Variants in PTCH1 observed in about 807,000 individuals in gnomAD.
PTCH1 encodes protein patched homolog 1.
In PTCH1, 14 loss-of-function variants were observed where a neutral mutation model predicts 144.6. That is an observed-to-expected ratio of 0.10 (90% CI 0.06 to 0.15). The LOEUF (loss-of-function observed/expected upper bound fraction) is 0.15, where lower values mean the gene tolerates loss of function less well. Ranked by LOEUF, PTCH1 falls within the 10% of genes least tolerant of loss-of-function variation. PTCH1 has a pLI of 1.00. For missense variants in PTCH1, 1,623 were observed against 1,948.3 expected (o/e 0.83, Z 3.14); for synonymous variants, 833 against 793.6 (o/e 1.05, Z -0.83).
chr9:95,460,162 C>T (rs1412763519), intron 16 of PTCH1, among the ~76,000 whole-genome samples: 1 of 152,220 alleles, frequency 6.6e-6, no homozygotes, highest in Non-Finnish European at 1.5e-5. Flanking sequence ...GTGCAGTTAA[C>T]CTCTGTTGTT....
At position 95,508,222 on chromosome 9, in the gene PTCH1, C is replaced by A. The variant is rs775408408; in HGVS notation, c.140G>T (p.Arg47Leu). ...GTAGCTGGGCCGGTGCAGATAGTCCCGGTCCGGCGCGGCAGCACGGCGCAG... is the reference window on the plus strand; with the variant it reads ...GTAGCTGGGCCGGTGCAGATAGTCCAGGTCCGGCGCGGCAGCACGGCGCAG... ...GGLRRAAAPD[R>L]DYLHRPSYCD... Residue 47 changes from arginine (R) to leucine (L), a missense_variant, in exon 1 of 24, where the codon CGG becomes CTG. Coordinates refer to ENST00000331920, the MANE Select transcript of PTCH1 (RefSeq NM_000264.5). The A allele has an allele frequency of 6.1e-5, 98 of 1,611,126 alleles. 1 individual carries two copies. The East Asian group carries it at 2.1e-3, about 35-fold the overall frequency.
chr9:95,477,965 C>G (rs1294990274), intron 9 of PTCH1, 90 bp downstream of exon 9: 2 of 1,591,356 alleles, frequency 1.3e-6, no homozygotes, highest in African/African-American at 2.7e-5. Flanking sequence ...ATGTTAAGAG[C>G]AGTTAAGAAG....
rs1472266690 is a variant in PTCH1 at position 95,446,084 on chromosome 9, G to C, written c.*309C>G. 4.9e-6 allele frequency: 1 copy of C among 202,992 alleles called. No homozygotes were observed. The highest frequency in any genetic ancestry group is 1.1e-5 in the Non-Finnish European group (1 of 95,190). 12.6% of individuals were successfully genotyped at this position (202,992 alleles called of 1,614,324 possible). Reference sequence around the variant, plus strand: ...TTAAGACTAATGAAGCTTGGTTGTGGCACGGAGCCCAATGCACAAATACGG... The same window carrying C: ...TTAAGACTAATGAAGCTTGGTTGTGCCACGGAGCCCAATGCACAAATACGG... On this transcript the variant is annotated 3_prime_UTR_variant, in exon 24 of 24. Coordinates refer to ENST00000331920, the MANE Select transcript of PTCH1 (RefSeq NM_000264.5).
Position 95,476,957 on chromosome 9 carries a change from T to G in PTCH1, c.1504-100A>C. Reference sequence around the variant, plus strand: ...TCTGCCACCAGCACCTAACAGCTCCTGAAGCAGGGCTTCCGTAACCTCATG... The same window carrying G: ...TCTGCCACCAGCACCTAACAGCTCCGGAAGCAGGGCTTCCGTAACCTCATG... On this transcript the variant is annotated intron_variant, in intron 10 of 23. Transcript: ENST00000331920. The surrounding 1 kb of genome is among the most constrained non-coding windows in gnomAD (Gnocchi z 4.6). The G allele has an allele frequency of 9.0e-7, 1 of 1,109,110 alleles. No homozygotes were observed. The highest frequency in any genetic ancestry group is 1.3e-5 in the South Asian group (1 of 75,458). The allele number at this position is 1,109,110 out of a possible 1,614,324, so 68.7% of individuals were successfully genotyped here.
At chr9:95,496,025 T>C (rs748589227) in intron 2 of PTCH1, among the ~76,000 whole-genome samples, 24 of 152,210 alleles carry the variant, frequency 1.6e-4, no homozygotes, top group Non-Finnish European at 2.6e-4. Flanking sequence ...TATTTCTGTC[T>C]TTCTCTTCTG....
At position 95,469,137 on chromosome 9, in the gene PTCH1, C is replaced by G. The variant is rs765258547; in HGVS notation, c.1864G>C (p.Val622Leu). The change falls in exon 14 of 24, where the codon GTG becomes CTG. Residue 622 changes from valine to leucine, a missense_variant. By Grantham distance (32) the Val-to-Leu change is conservative (BLOSUM62 1). Around this residue, in one of 7 missense-constraint regions of PTCH1, gnomAD observed 179 missense variants for 165.7 expected, o/e 1.08. Coordinates refer to ENST00000331920, the MANE Select transcript of PTCH1 (RefSeq NM_000264.5). ...TAGGCCTGAGGTTCAACCTGAATCA[C>G]TCTGCTGACGCAGGGGCTGAAAGGA... ...CCFTSPCVSRVIQVEPQAYTD... is the reference protein window; with the variant it reads ...CCFTSPCVSRLIQVEPQAYTD... 28 of 1,613,974 alleles carry G rather than the reference C, an allele frequency of 1.7e-5. No individual in the cohort carries two copies. The highest frequency in any genetic ancestry group is 1.4e-4 in the South Asian group (13 of 91,068).
chr9:95,456,731 A>G (rs1838966160), intron 18 of PTCH1, among the ~76,000 whole-genome samples: 1 of 152,184 alleles, frequency 6.6e-6, no homozygotes, highest in African/African-American at 2.4e-5. Context: ...GGAATTGCAC[A>G]AGCATGGCCG....
chr9:95,490,576 G>GAGCTACTTGGT (rs1467791092), intron 2 of PTCH1, among the ~76,000 whole-genome samples: 1 of 145,556 alleles, frequency 6.9e-6, no homozygotes, highest in Admixed American at 6.7e-5. Flanking sequence ...ATAGATATGA[G>GAGCTACTTGGT]AGCTACTTGG....
At chr9:95,474,089 C>T (rs958602879) in intron 12 of PTCH1, 3 of 504,094 alleles carry the variant, frequency 6.0e-6, no homozygotes, top group South Asian at 1.5e-5. Context: ...TTCAGACCAC[C>T]ACACCACAGG....
Position 95,444,084 on chromosome 9 carries a change from A to C in PTCH1, c.*2309T>G, listed in dbSNP as rs1334426988. ...TAGAGGAAAACATTCTTATGATACA[A>C]AATTATAAATATCAGCAAAGTTTTT... On this transcript the variant is annotated 3_prime_UTR_variant, in exon 24 of 24. Coordinates refer to ENST00000331920, the MANE Select transcript of PTCH1 (RefSeq NM_000264.5). 1 of 152,592 alleles carries C rather than the reference A, an allele frequency of 6.6e-6. No individual in the cohort carries two copies. Among genetic ancestry groups the C allele is most frequent in the Admixed American group, 6.5e-5 (1 of 15,282 alleles). The allele number at this position is 152,592 out of a possible 1,614,324, so 9.5% of individuals were successfully genotyped here.
At chr9:95,497,798 G>A (rs982582458) in intron 2 of PTCH1, among the ~76,000 whole-genome samples, 1 of 152,136 alleles carries the variant, frequency 6.6e-6, no homozygotes, top group African/African-American at 2.4e-5. Flanking sequence ...CCATTCCAAT[G>A]TGTTTATCTG....
At chr9:95,514,478 A>G (rs1171250886) in intron 1 of PTCH1, 2 of 152,248 alleles carry the variant, frequency 1.3e-5, no homozygotes, top group Non-Finnish European at 2.9e-5. Context: ...TATCAGAAAT[A>G]TAGGCATGAG....
In PTCH1 at chr9:95,469,071, G is replaced by C. The variant is rs1840312910; in HGVS notation, c.1930C>G (p.Pro644Ala). ...TGGGCAAAGCTGTGGCTGCTGTAGG[G>C]AGGTGGGGGGCTGTAGCGGGTATTG... ...HDNTRYSPPP[P>A]YSSHSFAHET... The change falls in exon 14 of 24, where the codon CCC (proline) becomes GCC (alanine). Residue 644 changes from proline to alanine, a missense_variant. By Grantham distance (27) the Pro-to-Ala change is conservative (BLOSUM62 -1). Coordinates refer to ENST00000331920, the MANE Select transcript of PTCH1 (RefSeq NM_000264.5). The C allele has an allele frequency of 6.2e-7, 1 of 1,614,116 alleles. No homozygotes were observed. Among genetic ancestry groups the C allele is most frequent in the Non-Finnish European group, 8.5e-7 (1 of 1,180,030 alleles).
chr9:95,467,526 CT>C, intron 14 of PTCH1, 101 bp from the exon 15 acceptor site: 1 of 1,174,686 alleles, frequency 8.5e-7, no homozygotes, highest in Non-Finnish European at 1.2e-6. Context: ...CACCACCACA[CT>C]TAAACTGATT....
At chr9:95,499,705 A>C (rs1843018596) in intron 2 of PTCH1, among the ~76,000 whole-genome samples, 1 of 152,128 alleles carries the variant, frequency 6.6e-6, no homozygotes. Context: ...ACATTTATGC[A>C]AAGTGGCTTC....
intron 2 of PTCH1, 36 bp downstream of exon 2, chr9:95,506,371 G>A (rs781105473): frequency 6.2e-7 from 1 of 1,602,406 alleles, no homozygotes; most frequent in Admixed American, 1.7e-5. Flanking sequence ...GGAGGGACCG[G>A]GCCGGGGGCG....
At chr9:95,463,478 T>G (rs972834317) in intron 15 of PTCH1, among the ~76,000 whole-genome samples, 2 of 152,170 alleles carry the variant, frequency 1.3e-5, no homozygotes, top group Non-Finnish European at 2.9e-5. Flanking sequence ...ATTTTATTAC[T>G]GAAAGCCCTT....
At chr9:95,505,909 GGCC>G (rs1843556190) in intron 2 of PTCH1, among the ~76,000 whole-genome samples, 1 of 144,420 alleles carries the variant, frequency 6.9e-6, no homozygotes, top group African/African-American at 2.5e-5. Context: ...CCAGCGCGGC[GGCC>G]GCGGCCGCCG....
At chr9:95,505,983 C>T (rs1587690862) in intron 2 of PTCH1, among the ~76,000 whole-genome samples, 2 of 147,530 alleles carry the variant, frequency 1.4e-5, no homozygotes, top group East Asian at 4.0e-4. Flanking sequence ...ACTCCTTTTT[C>T]TTTGGACGCG....
Sources: gnomAD v4.1 joint callset for allele counts (sites outside exome capture counted in the v4.1 genomes callset) on GRCh38, gnomAD v4.1.1 for gene constraint, gnomAD v4.1.1 regional missense constraint, Gnocchi (gnomAD v3.1) non-coding constraint, MANE v1.5 for transcripts, NCBI Gene and HGNC (gene_info 2026-07-23, HGNC 2026-07-21) for gene names.